Variants in PLD5 observed in about 807,000 individuals in gnomAD.
PLD5 encodes the protein phospholipase D family member 5.
A neutral mutation model predicts 61.1 loss-of-function variants in PLD5; 36 were observed. The ratio of observed to expected loss-of-function variants is 0.59; its 90% CI spans 0.45 to 0.78. PLD5 has a LOEUF of 0.78. Among genes scored for constraint, PLD5 ranks in the 30% least tolerant of loss-of-function variants. PLD5 has a pLI of 0.00. For synonymous variants in PLD5, 243 were observed against 242.8 expected (o/e 1.00, Z -0.01); for missense variants, 515 against 644.4 (o/e 0.80, Z 2.17).
chr1:242,301,258 T>G (rs574388441), intron 2 of PLD5, among the ~76,000 whole-genome samples: 9 of 152,260 alleles, frequency 5.9e-5, no homozygotes, highest in African/African-American at 1.9e-4. Context: ...GATCTCACAT[T>G]AAGCTACATC....
intron 1 of PLD5, among the ~76,000 whole-genome samples, chr1:242,353,964 G>A (rs1457974009): frequency 6.6e-6 from 1 of 150,682 alleles, no homozygotes; most frequent in Non-Finnish European, 1.5e-5. Context: ...TTCATATCCT[G>A]TAACTTCACT....
chr1:242,117,329 C>A (rs1294978812), intron 6 of PLD5, among the ~76,000 whole-genome samples: 1 of 152,062 alleles, frequency 6.6e-6, no homozygotes, highest in Non-Finnish European at 1.5e-5. Flanking sequence ...TTTTGTCTAT[C>A]AAAGTCCTAC....
intron 4 of PLD5, among the ~76,000 whole-genome samples, chr1:242,238,615 G>A (rs735304): frequency 0.085 from 12,958 of 152,268 alleles, 707 homozygotes; most frequent in East Asian, 0.16. Context: ...CTTAATTACT[G>A]GAAGTATTTT....
intron 9 of PLD5, among the ~76,000 whole-genome samples, chr1:242,090,435 G>T (rs1659729014): frequency 6.6e-6 from 1 of 152,066 alleles, no homozygotes; most frequent in African/African-American, 2.4e-5. Context: ...AAAATATATA[G>T]GGATTCATTT....
At chr1:242,101,238 C>T (rs374022466) in intron 8 of PLD5, among the ~76,000 whole-genome samples, 229 of 152,036 alleles carry the variant, frequency 1.5e-3, no homozygotes, top group African/African-American at 5.4e-3. Flanking sequence ...AGAGACTTTG[C>T]CATAGGAACA....
chr1:242,374,370 T>C (rs1052719047), intron 1 of PLD5, among the ~76,000 whole-genome samples: 1 of 152,200 alleles, frequency 6.6e-6, no homozygotes, highest in African/African-American at 2.4e-5. Context: ...TCGGAGAGGC[T>C]GACATTTTCC....
At chr1:242,214,854 G>A (rs2653200) in intron 5 of PLD5, among the ~76,000 whole-genome samples, 5,712 of 145,534 alleles carry the variant, frequency 0.039, 351 homozygotes, top group African/African-American at 0.13. Flanking sequence ...GAGTCCACTC[G>A]ATATGTCATT....
chr1:242,268,847 T>A (rs1484073556), intron 3 of PLD5, among the ~76,000 whole-genome samples: 5 of 152,308 alleles, frequency 3.3e-5, no homozygotes, highest in South Asian at 2.1e-4. Flanking sequence ...TCATTTTTTT[T>A]AATTTTAACT....
chr1:242,288,381 G>T lies in PLD5; in HGVS notation c.476C>A (p.Thr159Asn). 5 of 1,613,090 alleles carry T rather than the reference G, an allele frequency of 3.1e-6. No homozygotes were observed. Among genetic ancestry groups the T allele is most frequent in the Non-Finnish European group, 4.2e-6 (5 of 1,179,686 alleles). ...GCTTACCTGACATGCTGATGGATGAGTGTGGTTGAGATCCCAATGGGAAGA... is the reference window on the plus strand; with the variant it reads ...GCTTACCTGACATGCTGATGGATGATTGTGGTTGAGATCCCAATGGGAAGA... ...IVSSHWDLNHTHPSACQGQRL... is the reference protein window; with the variant it reads ...IVSSHWDLNHNHPSACQGQRL... The change falls in exon 3 of 10, where the codon ACT becomes AAT. Residue 159 changes from threonine (T) to asparagine (N), a missense_variant. Transcript: ENST00000536534.
intron 1 of PLD5, among the ~76,000 whole-genome samples, chr1:242,482,550 G>A (rs560094769): frequency 5.6e-4 from 86 of 152,256 alleles, no homozygotes; most frequent in African/African-American, 2.0e-3. Context: ...AAGAAATATG[G>A]GACTATGTGA....
intron 9 of PLD5, among the ~76,000 whole-genome samples, chr1:242,090,656 G>A (rs1659750729): frequency 6.6e-6 from 1 of 152,220 alleles, no homozygotes; most frequent in Admixed American, 6.5e-5. Flanking sequence ...AAGTGGGGCA[G>A]GTGCTATGAG....
chr1:242,377,664 A>G (rs1447698485), intron 1 of PLD5, among the ~76,000 whole-genome samples: 3 of 152,182 alleles, frequency 2.0e-5, no homozygotes, highest in Non-Finnish European at 4.4e-5. Flanking sequence ...AAATAAATAA[A>G]TAAAACAAAC....
chr1:242,490,544 T>G (rs1668113619), intron 1 of PLD5, among the ~76,000 whole-genome samples: 2 of 152,248 alleles, frequency 1.3e-5, no homozygotes, highest in South Asian at 2.1e-4. Context: ...TTTTTAATTC[T>G]CTTCACTGAA....
Position 242,174,376 on chromosome 1 carries a change from G to A in PLD5, c.735+45612C>T, listed in dbSNP as rs558747163. 9.0e-3 allele frequency among the ~76,000 whole-genome samples: 1,372 copies of A among 151,948 alleles called. 23 individuals are homozygous for A. Among genetic ancestry groups the A allele is most frequent in the African/African-American group, 0.029 (1,209 of 41,446 alleles). On this transcript the variant is annotated intron_variant, in intron 5 of 9. Transcript: ENST00000536534. ...ACCACCTCACACCAGTTAGAATGGC[G>A]ATCATTAAAAAGTCAGGAAACAACA...
intron 5 of PLD5, among the ~76,000 whole-genome samples, chr1:242,163,567 T>C (rs2148853629): frequency 6.6e-6 from 1 of 152,264 alleles, no homozygotes; most frequent in Admixed American, 6.5e-5. Flanking sequence ...GAAAGGATGT[T>C]TAATCATCAT....
At chr1:242,176,343 C>A (rs1667144291) in intron 5 of PLD5, among the ~76,000 whole-genome samples, 2 of 152,114 alleles carry the variant, frequency 1.3e-5, no homozygotes, top group Admixed American at 6.6e-5. Context: ...GGAAAGGATT[C>A]CCTATTTAAT....
intron 4 of PLD5, among the ~76,000 whole-genome samples, chr1:242,228,389 C>A (rs1241042615): frequency 6.6e-6 from 1 of 152,146 alleles, no homozygotes; most frequent in Non-Finnish European, 1.5e-5. Context: ...ACCCGAGGCA[C>A]CCGCAGGACA....
chr1:242,503,591 AG>A (rs1173280745), intron 1 of PLD5, among the ~76,000 whole-genome samples: 3 of 152,326 alleles, frequency 2.0e-5, no homozygotes, highest in African/African-American at 7.2e-5. Context: ...CTGTGCTTCA[AG>A]GAAGTCCAGA....
chr1:242,442,887 C>T (rs1448724145), intron 1 of PLD5, among the ~76,000 whole-genome samples: 2 of 152,180 alleles, frequency 1.3e-5, no homozygotes, highest in Admixed American at 6.5e-5. Flanking sequence ...ATTGGATAAA[C>T]GGGTATTCCT....
Sources: allele counts gnomAD v4.1 joint callset (sites outside exome capture counted in the v4.1 genomes callset), GRCh38; gene constraint gnomAD v4.1.1; transcripts MANE v1.5; gene names NCBI Gene and HGNC (gene_info 2026-07-23, HGNC 2026-07-21).